TTBK1: variants seen among roughly 807,000 people sequenced by gnomAD.
The protein encoded by TTBK1 is tau-tubulin kinase 1.
TTBK1 carries 34 observed loss-of-function variants against 108.5 expected under a neutral mutation model. The observed-to-expected ratio is 0.31, with a 90% confidence interval of 0.24 to 0.42. The LOEUF (loss-of-function observed/expected upper bound fraction) is 0.42. Ranked by LOEUF, TTBK1 falls within the 10% of genes least tolerant of loss-of-function variation. The pLI, the probability that TTBK1 is intolerant of heterozygous loss-of-function variation, is 1.00. For synonymous variants in TTBK1, 809 were observed against 795.1 expected (o/e 1.02, Z -0.29); for missense variants, 1,539 against 1,826.0 (o/e 0.84, Z 2.86).
chr6:43,285,416 G>GCCCCCCCCCCCCCCCCC lies in TTBK1; in HGVS notation c.*40_*41insCCCCCCCCCCCCCCCCC. The GCCCCCCCCCCCCCCCCC allele has an allele frequency of 5.9e-6, 3 of 508,282 alleles. No homozygotes were observed. Among genetic ancestry groups the GCCCCCCCCCCCCCCCCC allele is most frequent in the African/African-American group, 2.3e-5 (1 of 44,242 alleles). 31.5% of individuals were successfully genotyped at this position (508,282 alleles called of 1,614,324 possible). A position where few individuals can be genotyped will look rare whatever the true frequency, so the allele number is the denominator to read the frequency against. ...CTCCGCGGTCCCCCACCCTCACCCC[G>GCCCCCCCCCCCCCCCCC]GCCCCCCACCCGCAGCCGGCCACAC... is the stretch of plus-strand genomic sequence containing the variant. On this transcript the variant is annotated 3_prime_UTR_variant, in exon 15 of 15. Coordinates refer to ENST00000259750, the MANE Select transcript of TTBK1 (RefSeq NM_032538.3). The surrounding 1 kb of genome is among the most constrained non-coding windows in gnomAD (Gnocchi z 4.7).
chr6:43,246,808 G>A (rs1777101142), intron 2 of TTBK1, 40 bp downstream of exon 2: 8 of 1,543,440 alleles, frequency 5.2e-6, no homozygotes, highest in Non-Finnish European at 7.1e-6. Context: ...AGGGTAGCGG[G>A]GAGGGAGGCG....
Position 43,276,374 on chromosome 6 carries a change from G to C in TTBK1, c.1987-6353G>C, listed in dbSNP as rs1778000852. On this transcript the variant is annotated intron_variant, in intron 13 of 14. Coordinates refer to ENST00000259750, the MANE Select transcript of TTBK1 (RefSeq NM_032538.3). This position sits in a 1 kb window ranked among gnomAD's most constrained non-coding sequence, Gnocchi z 5.4. ...GTGTACATAGCGGCGTCGGGGGGTG[G>C]CCCCAGGCCCGGGTAGAAAAGCATG... Among the ~76,000 whole-genome samples the C allele has an allele frequency of 6.6e-6, 1 of 152,052 alleles. No individual in the cohort carries two copies. The highest frequency in any genetic ancestry group is 1.5e-5 in the Non-Finnish European group (1 of 68,008).
rs1476650933 is a variant in TTBK1, at chr6:43,265,459, T to C, written c.1986+2109T>C. Among the ~76,000 whole-genome samples the C allele has an allele frequency of 4.6e-5, 7 of 152,160 alleles. No individual in the cohort carries two copies. Among genetic ancestry groups the C allele is most frequent in the Admixed American group, 4.6e-4 (7 of 15,282 alleles). On this transcript the variant is annotated intron_variant, in intron 13 of 14. Coordinates refer to ENST00000259750, the MANE Select transcript of TTBK1 (RefSeq NM_032538.3). The surrounding 1 kb of genome is among the most constrained non-coding windows in gnomAD (Gnocchi z 4.1). ...CTGGGGGCTCAAAAAGTGGGGCCCG[T>C]GAGTCCTCACCCAGAGAGGCCCTAG... is the stretch of plus-strand genomic sequence containing the variant.
chr6:43,277,147 G>T (rs919689156), intron 13 of TTBK1, among the ~76,000 whole-genome samples: 1 of 152,168 alleles, frequency 6.6e-6, no homozygotes, highest in Non-Finnish European at 1.5e-5. Context: ...GTACTGAGGA[G>T]CCTCCCACTG....
At chr6:43,260,852 A>G (rs1328060506) in intron 12 of TTBK1, among the ~76,000 whole-genome samples, 4 of 152,146 alleles carry the variant, frequency 2.6e-5, no homozygotes, top group African/African-American at 7.2e-5. Flanking sequence ...AGCAGGAGAC[A>G]GTACAAAAGC....
At chr6:43,264,211 A>G (rs573336390) in intron 13 of TTBK1, among the ~76,000 whole-genome samples, 1 of 152,110 alleles carries the variant, frequency 6.6e-6, no homozygotes, top group East Asian at 1.9e-4. Flanking sequence ...GTGAAACCCC[A>G]TCTTTACTAA....
At chr6:43,266,562 G>T (rs1370342456) in intron 13 of TTBK1, among the ~76,000 whole-genome samples, 2 of 152,126 alleles carry the variant, frequency 1.3e-5, no homozygotes, top group Non-Finnish European at 2.9e-5. Context: ...TTGAACCCAG[G>T]CAACTCGTTC....
At chr6:43,284,961 C>T (rs1401809238) in intron 14 of TTBK1, 22 bp from the exon 15 acceptor site, 1 of 1,506,082 alleles carries the variant, frequency 6.6e-7, no homozygotes, top group African/African-American at 1.4e-5. Flanking sequence ...CTTCTTTTCT[C>T]CTGCCTTCTG....
chr6:43,283,644 G>C lies in TTBK1; in HGVS notation c.2904G>C (p.Gly968=), dbSNP rs761941992. Residue 968 remains glycine (G), a synonymous_variant, in exon 14 of 15, where the codon GGG becomes GGC. Coordinates refer to ENST00000259750, the MANE Select transcript of TTBK1 (RefSeq NM_032538.3). This position sits in a 1 kb window ranked among gnomAD's most constrained non-coding sequence, Gnocchi z 8.1. ...GELGLELASD[G]GAVEEGARAP... ...TGGGTCTGGAGCTGGCCTCTGATGGGGGCGCTGTGGAGGAGGGGGCCCGAG... is the reference window on the plus strand; with the variant it reads ...TGGGTCTGGAGCTGGCCTCTGATGGCGGCGCTGTGGAGGAGGGGGCCCGAG... 1.9e-6 allele frequency: 3 copies of C among 1,613,942 alleles called. No individual in the cohort carries two copies. Among genetic ancestry groups the C allele is most frequent in the African/African-American group, 2.7e-5 (2 of 74,934 alleles).
At chr6:43,267,550 G>A (rs1777714532) in intron 13 of TTBK1, among the ~76,000 whole-genome samples, 1 of 152,220 alleles carries the variant, frequency 6.6e-6, no homozygotes, top group African/African-American at 2.4e-5. Flanking sequence ...ACCTGCACAT[G>A]TGGGGAACCG....
chr6:43,284,394 C>CTTCTCCAGAACCAAGGTT, intron 14 of TTBK1, 82 bp downstream of exon 14: 1 of 1,381,402 alleles, frequency 7.2e-7, no homozygotes. Flanking sequence ...GAACCAAGGT[C>CTTCTCCAGAACCAAGGTT]AGGGGCTATG....
rs1158917077 is a variant in TTBK1, at chr6:43,255,111, C to T, written c.639C>T (p.Asn213=). 23 of 1,610,614 alleles carry T rather than the reference C, an allele frequency of 1.4e-5. No homozygotes were observed. Among genetic ancestry groups the T allele is most frequent in the East Asian group, 2.2e-5 (1 of 44,686 alleles). ...ATGCCTCAGTCAATGCCCACAAGAA[C>T]CGGGTGAGTGGCAAAGCCCGGGATG... ...VRYASVNAHK[N]REMGRHDDLW... Residue 213 remains asparagine, a synonymous_variant, in exon 7 of 15, where the codon AAC becomes AAT. Transcript: ENST00000259750.
chr6:43,260,091 G>A (rs1248983649), intron 12 of TTBK1, among the ~76,000 whole-genome samples: 1 of 152,156 alleles, frequency 6.6e-6, no homozygotes, highest in Non-Finnish European at 1.5e-5. Context: ...TTCAGCTTTG[G>A]GGGAGGGGGC....
rs754522853 is a variant in TTBK1, at chr6:43,257,805, C to G, written c.862-7C>G. ...CTCTGTCCTCCCATCACCCTCACCC[C>G]CTGCAGTTGATCATGTCAGTGTTTG... On this transcript the variant is annotated splice_polypyrimidine_tract_variant and splice_region_variant and intron_variant, in intron 9 of 14. Transcript: ENST00000259750. The surrounding 1 kb of genome is among the most constrained non-coding windows in gnomAD (Gnocchi z 4.5). The G allele has an allele frequency of 3.1e-6, 5 of 1,612,078 alleles. No homozygotes were observed. The highest frequency in any genetic ancestry group is 4.2e-6 in the Non-Finnish European group (5 of 1,178,830).
chr6:43,286,351 G>A lies in TTBK1; in HGVS notation c.*975G>A, dbSNP rs1778382495. 6.5e-6 allele frequency: 1 copy of A among 152,728 alleles called. No homozygotes were observed. The highest frequency in any genetic ancestry group is 1.5e-5 in the Non-Finnish European group (1 of 68,122). The allele number at this position is 152,728 out of a possible 1,614,324, so 9.5% of individuals were successfully genotyped here. A position where few individuals can be genotyped will look rare whatever the true frequency, so the allele number is the denominator to read the frequency against. On this transcript the variant is annotated 3_prime_UTR_variant, in exon 15 of 15. Coordinates refer to ENST00000259750, the MANE Select transcript of TTBK1 (RefSeq NM_032538.3). The surrounding 1 kb of genome is among the most constrained non-coding windows in gnomAD (Gnocchi z 4.6). ...TCTAACCTCAGTCCTGCCTACTGCAGTTCCAGCCAACCTGCTCTTTCCTGA... is the reference window on the plus strand; with the variant it reads ...TCTAACCTCAGTCCTGCCTACTGCAATTCCAGCCAACCTGCTCTTTCCTGA...
Position 43,269,533 on chromosome 6 carries a change from CCCGGGACGCCGGCG to C in TTBK1, c.1986+6187_1986+6200del. The C allele has an allele frequency of 7.7e-7, 1 of 1,294,778 alleles. No homozygotes were observed. The highest frequency in any genetic ancestry group is 1.0e-6 in the Non-Finnish European group (1 of 980,378). The allele number at this position is 1,294,778 out of a possible 1,614,324, so 80.2% of individuals were successfully genotyped here. A position where few individuals can be genotyped will look rare whatever the true frequency, so the allele number is the denominator to read the frequency against. ...CACCCTGCCTGACCCCGCCCACTTG[CCCGGGACGCCGGCG>C]CCGCAGGGGCTGTGAGCGGTGGGTG... On this transcript the variant is annotated intron_variant, in intron 13 of 14. Coordinates refer to ENST00000259750, the MANE Select transcript of TTBK1 (RefSeq NM_032538.3). This position sits in a 1 kb window ranked among gnomAD's most constrained non-coding sequence, Gnocchi z 4.8.
At chr6:43,275,404 C>T (rs1170453826) in intron 13 of TTBK1, among the ~76,000 whole-genome samples, 1 of 131,616 alleles carries the variant, frequency 7.6e-6, no homozygotes, top group Non-Finnish European at 1.8e-5. Flanking sequence ...TTGCTTTTCC[C>T]TGCTGCTGGC....
chr6:43,254,903 G>A (rs1035253551), intron 6 of TTBK1, 146 bp from the exon 7 acceptor site: 19 of 862,802 alleles, frequency 2.2e-5, no homozygotes, highest in Non-Finnish European at 3.3e-5. Context: ...CAGCAGGCGG[G>A]TTTAGGACTG....
At position 43,265,173 on chromosome 6, in the gene TTBK1, G is replaced by A. The variant is rs1198206158; in HGVS notation, c.1986+1823G>A. On this transcript the variant is annotated intron_variant, in intron 13 of 14. Transcript: ENST00000259750. This position sits in a 1 kb window ranked among gnomAD's most constrained non-coding sequence, Gnocchi z 4.1. ...GGAAGGGGCTCAGGGGCTGTGCCGC[G>A]TTCCACATAGTGGTCCCACATTGGG... is the stretch of plus-strand genomic sequence containing the variant. Among the ~76,000 whole-genome samples the A allele has an allele frequency of 2.0e-5, 3 of 152,194 alleles. No homozygotes were observed. The highest frequency in any genetic ancestry group is 6.5e-5 in the Admixed American group (1 of 15,280).
Sources: gnomAD v4.1 joint callset for allele counts (sites outside exome capture counted in the v4.1 genomes callset) on GRCh38, gnomAD v4.1.1 for gene constraint, Gnocchi (gnomAD v3.1) non-coding constraint, MANE v1.5 for transcripts, NCBI Gene and HGNC (gene_info 2026-07-23, HGNC 2026-07-21) for gene names.